PCDHGA1: variants seen among roughly 807,000 people sequenced by gnomAD.
The protein encoded by PCDHGA1 is protocadherin gamma-A1.
PCDHGA1 carries 32 observed loss-of-function variants against 58.0 expected under a neutral mutation model. The observed-to-expected ratio is 0.55, with a 90% CI of 0.42 to 0.74. The LOEUF is 0.74. Among genes scored for constraint, PCDHGA1 ranks in the 30% least tolerant of loss-of-function variants. The probability of loss-of-function intolerance (pLI) is 0.00; values close to 1 mark genes in which losing one functional copy is unlikely to be tolerated. For missense variants in PCDHGA1, 1,205 were observed against 1,182.3 expected, an observed-to-expected ratio of 1.02 and a Z score of -0.28; for synonymous variants, 498 against 501.1, an observed-to-expected ratio of 0.99 and a Z score of 0.08.
At chr5:141,409,185 C>A in intron 1 of PCDHGA1, 1 of 1,614,024 alleles carries the variant, frequency 6.2e-7, no homozygotes, top group Non-Finnish European at 8.5e-7. Flanking sequence ...GGTGGTCTCT[C>A]TACCCAGTGT....
chr5:141,429,534 A>G (rs1036595279), intron 1 of PCDHGA1, among the ~76,000 whole-genome samples: 1 of 152,222 alleles, frequency 6.6e-6, no homozygotes. Context: ...GCTTAAAAAA[A>G]TAAGAACATG....
intron 1 of PCDHGA1, chr5:141,388,960 A>C: frequency 1.2e-6 from 2 of 1,614,038 alleles, no homozygotes; most frequent in Non-Finnish European, 1.7e-6. Context: ...GAGGACGCCG[A>C]GCTGGGAACA....
At chr5:141,372,234 C>A in intron 1 of PCDHGA1, 1 of 1,613,350 alleles carries the variant, frequency 6.2e-7, no homozygotes. Context: ...GGCCAGCGAG[C>A]CCGGGCTGTT....
chr5:141,377,551 G>T (rs949060522), intron 1 of PCDHGA1: 3 of 151,380 alleles, frequency 2.0e-5, no homozygotes, highest in African/African-American at 7.3e-5. Flanking sequence ...AGATATAATT[G>T]TGTCACTGCA....
chr5:141,361,258 G>A (rs957502744), intron 1 of PCDHGA1: 9 of 1,613,960 alleles, frequency 5.6e-6, no homozygotes, highest in South Asian at 1.1e-5. Context: ...GAGAGACAGA[G>A]ACTCTGGAGA....
chr5:141,419,830 T>G, intron 1 of PCDHGA1: 1 of 1,614,052 alleles, frequency 6.2e-7, no homozygotes, highest in African/African-American at 1.3e-5. Context: ...TTTCAGCCAC[T>G]GCCACGCTGC....
Position 141,476,598 on chromosome 5 carries a change from A to G in PCDHGA1, c.2422-18209A>G, listed in dbSNP as rs1222456783. The G allele has an allele frequency of 6.2e-7, 1 of 1,614,238 alleles. No homozygotes were observed. Among genetic ancestry groups the G allele is most frequent in the South Asian group, 1.1e-5 (1 of 91,088 alleles). On this transcript the variant is annotated intron_variant, in intron 1 of 3. Transcript: ENST00000517417. This position sits in a 1 kb window ranked among gnomAD's most constrained non-coding sequence, Gnocchi z 7.6. ...CGCTTTCCGCTCGAGAGCGCGCACG[A>G]TCCCGATGTGGGAAGCAACTCTTTA... is the stretch of plus-strand genomic sequence containing the variant.
chr5:141,332,437 G>C lies in PCDHGA1; in HGVS notation c.1753G>C (p.Gly585Arg), dbSNP rs1401289721. ...GCTGGCGCCCCTCTCCGCAGAGCCC[G>C]GCTACCTGGTGACCAAGGTGGTGGC... Reference protein sequence around the residue: ...VELAPLSAEPGYLVTKVVAVD... With the variant: ...VELAPLSAEPRYLVTKVVAVD... Residue 585 changes from glycine to arginine, a missense_variant, in exon 1 of 4, where the codon GGC (glycine) becomes CGC (arginine). Gly to Arg is a moderately radical substitution (Grantham distance 125). Coordinates refer to ENST00000517417, the MANE Select transcript of PCDHGA1 (RefSeq NM_018912.3). The surrounding 1 kb of genome is among the most constrained non-coding windows in gnomAD (Gnocchi z 4.6). 6.2e-7 allele frequency: 1 copy of C among 1,613,996 alleles called. No individual in the cohort carries two copies. The highest frequency in any genetic ancestry group is 1.7e-5 in the Admixed American group (1 of 60,030).
At chr5:141,333,265 A>C in intron 1 of PCDHGA1, 160 bp downstream of exon 1, 1 of 992,226 alleles carries the variant, frequency 1.0e-6, no homozygotes, top group Non-Finnish European at 1.5e-6. Context: ...CTACACGTTC[A>C]TATGCAGGTA....
chr5:141,419,632 G>A (rs1210031265), intron 1 of PCDHGA1: 1 of 1,612,432 alleles, frequency 6.2e-7, no homozygotes, highest in Admixed American at 1.7e-5. Flanking sequence ...TGACCAAGGT[G>A]GTGGCCGTGG....
Position 141,477,540 on chromosome 5 carries a change from C to T in PCDHGA1, c.2422-17267C>T, listed in dbSNP as rs777796922. On this transcript the variant is annotated intron_variant, in intron 1 of 3. Coordinates refer to ENST00000517417, the MANE Select transcript of PCDHGA1 (RefSeq NM_018912.3). The surrounding 1 kb of genome is among the most constrained non-coding windows in gnomAD (Gnocchi z 4.9). Reference sequence around the variant, plus strand: ...GAAGAAAACAACCTCCCCGGGGCTCCAATACTAAACCTAAGTGTCTGGGAC... The same window carrying T: ...GAAGAAAACAACCTCCCCGGGGCTCTAATACTAAACCTAAGTGTCTGGGAC... The T allele has an allele frequency of 6.8e-6, 11 of 1,614,036 alleles. 1 individual carries two copies. Among genetic ancestry groups the T allele is most frequent in the African/African-American group, 2.7e-5 (2 of 74,920 alleles).
At chr5:141,507,009 C>T (rs988626142) in intron 3 of PCDHGA1, 1 of 152,154 alleles carries the variant, frequency 6.6e-6, no homozygotes, top group South Asian at 2.1e-4. Context: ...ATGAGAGAAC[C>T]GAGAAGGCAC....
chr5:141,344,883 A>T (rs935213502), intron 1 of PCDHGA1: 2 of 1,613,978 alleles, frequency 1.2e-6, no homozygotes, highest in Non-Finnish European at 1.7e-6. Context: ...TCTAGATAAA[A>T]TGCCTGGGAA....
At chr5:141,350,700 T>C in intron 1 of PCDHGA1, 1 of 1,613,850 alleles carries the variant, frequency 6.2e-7, no homozygotes, top group African/African-American at 1.3e-5. Context: ...TTACCCGGGG[T>C]AAAATTCTCT....
intron 1 of PCDHGA1, among the ~76,000 whole-genome samples, chr5:141,463,911 T>C (rs749224024): frequency 6.6e-6 from 1 of 152,156 alleles, no homozygotes; most frequent in African/African-American, 2.4e-5. Context: ...TAATAATATA[T>C]CCTGGAAATC....
At chr5:141,438,957 CACCCTGCCA>C (rs1022731551) in intron 1 of PCDHGA1, among the ~76,000 whole-genome samples, 2 of 152,144 alleles carry the variant, frequency 1.3e-5, no homozygotes, top group East Asian at 3.9e-4. Flanking sequence ...TGAGCCACCG[CACCCTGCCA>C]ACTGTCTGAC....
intron 1 of PCDHGA1, among the ~76,000 whole-genome samples, chr5:141,436,491 T>G (rs546883133): frequency 6.6e-6 from 1 of 152,182 alleles, no homozygotes; most frequent in Non-Finnish European, 1.5e-5. Flanking sequence ...GATAGCAGCT[T>G]TGCAATTAGG....
intron 1 of PCDHGA1, chr5:141,339,714 G>T (rs1418817730): frequency 6.2e-7 from 1 of 1,614,168 alleles, no homozygotes; most frequent in Non-Finnish European, 8.5e-7. Flanking sequence ...CCCGAGTACC[G>T]CATAAGCATT....
At chr5:141,449,888 A>G (rs544369390) in intron 1 of PCDHGA1, among the ~76,000 whole-genome samples, 1 of 151,990 alleles carries the variant, frequency 6.6e-6, no homozygotes, top group Non-Finnish European at 1.5e-5. Flanking sequence ...ATGCAATATA[A>G]TTATTTAGCC....
Sources: gnomAD v4.1 joint callset for allele counts (sites outside exome capture counted in the v4.1 genomes callset) on GRCh38, gnomAD v4.1.1 for gene constraint, Gnocchi (gnomAD v3.1) non-coding constraint, MANE v1.5 for transcripts, NCBI Gene and HGNC (gene_info 2026-07-23, HGNC 2026-07-21) for gene names.